Variants in DACT2 observed in about 807,000 individuals in gnomAD.
The protein encoded by DACT2 is dapper homolog 2.
In DACT2, 20 loss-of-function variants were observed where a neutral mutation model predicts 22.2. That is an observed-to-expected ratio of 0.90 (90% confidence interval 0.63 to 1.31). The LOEUF is 1.31. Ranked by LOEUF, DACT2 falls within the 50% of genes most tolerant of loss-of-function variation. The probability of loss-of-function intolerance (pLI) is 0.00; values close to 1 mark genes in which losing one functional copy is unlikely to be tolerated. For missense variants in DACT2, 1,048 were observed against 1,061.4 expected, an observed-to-expected ratio of 0.99 and a Z score of 0.18; for synonymous variants, 463 against 479.8, an observed-to-expected ratio of 0.96 and a Z score of 0.46.
chr6:168,316,187 G>C (rs1251476740), intron 1 of DACT2, among the ~76,000 whole-genome samples: 2 of 152,280 alleles, frequency 1.3e-5, no homozygotes, highest in Non-Finnish European at 2.9e-5. Flanking sequence ...TATTTCTTAA[G>C]CCAAGTTAAT....
chr6:168,319,128 C>T (rs1278934448), intron 1 of DACT2, among the ~76,000 whole-genome samples: 2 of 152,176 alleles, frequency 1.3e-5, no homozygotes, highest in African/African-American at 4.8e-5. Context: ...GGTAGGCGCA[C>T]ATCCACGCAC....
At chr6:168,305,553 A>G (rs1434130740), downstream of DACT2, among the ~76,000 whole-genome samples, 1 of 152,114 alleles carries the variant, frequency 6.6e-6, no homozygotes, top group Non-Finnish European at 1.5e-5. Flanking sequence ...AAAAGCACCA[A>G]TGAGTGAGCA....
intron 1 of DACT2, among the ~76,000 whole-genome samples, chr6:168,314,372 C>G (rs959323156): frequency 4.6e-5 from 7 of 152,158 alleles, no homozygotes; most frequent in Non-Finnish European, 1.0e-4. Context: ...CCAAGCCTCT[C>G]CAGGCAGTGG....
intron 3 of DACT2, among the ~76,000 whole-genome samples, chr6:168,309,517 C>T (rs1779341642): frequency 1.5e-5 from 1 of 68,334 alleles, no homozygotes; most frequent in Admixed American, 2.1e-4. Flanking sequence ...CTGATCCTGC[C>T]CGTTGCGGGA....
rs1779604639 is a variant in DACT2, at chr6:168,319,767, G to A, written c.-134C>T. The A allele has an allele frequency of 8.5e-7, 1 of 1,170,148 alleles. No individual in the cohort carries two copies. Among genetic ancestry groups the A allele is most frequent in the African/African-American group, 1.6e-5 (1 of 61,868 alleles). The allele number at this position is 1,170,148 out of a possible 1,614,324, so 72.5% of individuals were successfully genotyped here. A position where few individuals can be genotyped will look rare whatever the true frequency, so the allele number is the denominator to read the frequency against. ...CCCGGCTCCGCAGGTCGCCAAGGTG[G>A]GCTGGAATCTGTGGCCAGGCGCGGA... On this transcript the variant is annotated 5_prime_UTR_variant, in exon 1 of 4. Transcript: ENST00000366795.
At chr6:168,312,710 T>C in intron 1 of DACT2, among the ~76,000 whole-genome samples, 1 of 152,388 alleles carries the variant, frequency 6.6e-6, no homozygotes, top group Admixed American at 6.5e-5. Context: ...TGGTTGTTTC[T>C]CTTAAGAAAA....
intron 2 of DACT2, 128 bp from the exon 3 acceptor site, chr6:168,310,574 T>C: frequency 7.1e-6 from 9 of 1,272,896 alleles, no homozygotes; most frequent in Non-Finnish European, 8.5e-6. Flanking sequence ...CCGGAGGCTG[T>C]GTGCCATCGT....
Position 168,309,039 on chromosome 6 carries a change from C to G in DACT2, c.718G>C (p.Glu240Gln). The G allele has an allele frequency of 6.5e-7, 1 of 1,544,018 alleles. No homozygotes were observed. The highest frequency in any genetic ancestry group is 8.7e-7 in the Non-Finnish European group (1 of 1,146,334). ...TGLQKASADAELLGLLCQGVD... is the reference protein window; with the variant it reads ...TGLQKASADAQLLGLLCQGVD... ...CCCTGGCAGAGGAGCCCGAGGAGCT[C>G]GGCGTCCGCGCTGGCTTTCTGGAGC... The change falls in exon 4 of 4, where the codon GAG becomes CAG. Residue 240 changes from glutamate to glutamine, a missense_variant. Transcript: ENST00000366795.
In DACT2 at chr6:168,319,377, C is replaced by A; in HGVS notation, c.246+11G>T. On this transcript the variant is annotated intron_variant, in intron 1 of 3. Transcript: ENST00000366795. Reference sequence around the variant, plus strand: ...ACCTCGCAGCCCCGAGTCCCGGCGCCCGGTCCTTACCAGCTGCTCCTGCAG... The same window carrying A: ...ACCTCGCAGCCCCGAGTCCCGGCGCACGGTCCTTACCAGCTGCTCCTGCAG... 1 of 1,198,976 alleles carries A rather than the reference C, an allele frequency of 8.3e-7. No individual in the cohort carries two copies. Among genetic ancestry groups the A allele is most frequent in the South Asian group, 4.2e-5 (1 of 23,628 alleles). 74.3% of individuals were successfully genotyped at this position (1,198,976 alleles called of 1,614,324 possible).
Position 168,308,630 on chromosome 6 carries a change from C to T in DACT2, c.1127G>A (p.Gly376Glu), listed in dbSNP as rs1231164481. ...QRQGGWSTDGGGRLLVFAPGR... is the reference protein window; with the variant it reads ...QRQGGWSTDGEGRLLVFAPGR... ...TGGGGCGAAGACCAGCAGTCGCCCTCCACCGTCTGTACTCCAGCCACCCTG... is the reference window on the plus strand; with the variant it reads ...TGGGGCGAAGACCAGCAGTCGCCCTTCACCGTCTGTACTCCAGCCACCCTG... The change falls in exon 4 of 4, where the codon GGA becomes GAA. Residue 376 changes from glycine to glutamate, a missense_variant. Physicochemically the swap from Gly to Glu is moderately conservative, Grantham distance 98 (BLOSUM62 -2). Transcript: ENST00000366795. 1.3e-6 allele frequency: 2 copies of T among 1,544,308 alleles called. No homozygotes were observed. Among genetic ancestry groups the T allele is most frequent in the African/African-American group, 2.7e-5 (2 of 73,162 alleles).
intron 3 of DACT2, among the ~76,000 whole-genome samples, chr6:168,296,960 CA>C (rs1417717177): frequency 2.0e-5 from 3 of 151,976 alleles, no homozygotes; most frequent in African/African-American, 7.3e-5. Context: ...TCAATGAAAA[CA>C]ATGAGAAAAT....
rs188523063 is a variant in DACT2, at chr6:168,315,652, C to T, written c.246+3736G>A. Among the ~76,000 whole-genome samples the T allele has an allele frequency of 3.2e-3, 481 of 152,336 alleles. 3 individuals carry two copies. Among genetic ancestry groups the T allele is most frequent in the African/African-American group, 0.011 (451 of 41,580 alleles). ...GTAATTAAAACGCTGCAGCACATTG[C>T]GACAAGCCTTGAAGTGATGAGTGCT... On this transcript the variant is annotated intron_variant, in intron 1 of 3. Coordinates refer to ENST00000366795, the MANE Select transcript of DACT2 (RefSeq NM_214462.5).
At chr6:168,306,069 C>T (rs931009557), downstream of DACT2, among the ~76,000 whole-genome samples, 7 of 152,182 alleles carry the variant, frequency 4.6e-5, no homozygotes, top group Admixed American at 3.3e-4. Context: ...TTGTTCCAGA[C>T]GTGAAGTTCC....
chr6:168,301,480 C>T (rs1442930033), intron 3 of DACT2, among the ~76,000 whole-genome samples: 4 of 152,228 alleles, frequency 2.6e-5, no homozygotes, highest in African/African-American at 9.6e-5. Context: ...CAGGGAGCCA[C>T]ATTGCCATCT....
chr6:168,311,225 C>T lies in DACT2; in HGVS notation c.306G>A (p.Gln102=). 1 of 1,551,036 alleles carries T rather than the reference C, an allele frequency of 6.4e-7. No individual in the cohort carries two copies. The highest frequency in any genetic ancestry group is 8.7e-7 in the Non-Finnish European group (1 of 1,146,376). ...CCACATCCAGCTGCAGCTTGCTAAT[C>T]TGCAGGTCCAGCTGGTCCAGGTGGG... ...LKTHLDQLDL[Q]ISKLQLDVGT... Residue 102 remains glutamine, a synonymous_variant, in exon 2 of 4, where the codon CAG becomes CAA. Transcript: ENST00000366795.
chr6:168,307,265 G>T lies in DACT2; in HGVS notation c.*167C>A. ...AGTCTTTGCTGGGGCGGGGACTCACGGCCATACTCCACAGGGCAGAACCCA... is the reference window on the plus strand; with the variant it reads ...AGTCTTTGCTGGGGCGGGGACTCACTGCCATACTCCACAGGGCAGAACCCA... On this transcript the variant is annotated 3_prime_UTR_variant, in exon 4 of 4. Coordinates refer to ENST00000366795, the MANE Select transcript of DACT2 (RefSeq NM_214462.5). The surrounding 1 kb of genome is among the most constrained non-coding windows in gnomAD (Gnocchi z 5.3). The T allele has an allele frequency of 7.1e-7, 1 of 1,403,862 alleles. No homozygotes were observed. Among genetic ancestry groups the T allele is most frequent in the South Asian group, 1.6e-5 (1 of 61,406 alleles). 87.0% of individuals were successfully genotyped at this position (1,403,862 alleles called of 1,614,324 possible).
chr6:168,295,846 G>T (rs1399995006), intron 3 of DACT2, among the ~76,000 whole-genome samples: 1 of 152,230 alleles, frequency 6.6e-6, no homozygotes, highest in Non-Finnish European at 1.5e-5. Context: ...CTGCAGAGTT[G>T]ACTTATTTGT....
intron 3 of DACT2, among the ~76,000 whole-genome samples, chr6:168,309,481 C>CGTTTGCGTA (rs1779340768): frequency 1.7e-5 from 1 of 58,276 alleles, no homozygotes; most frequent in African/African-American, 6.9e-5. Context: ...CTATTTGCGC[C>CGTTTGCGTA]TGCAGCGCGG....
Position 168,310,318 on chromosome 6 carries a change from T to G in DACT2, c.508A>C (p.Ser170Arg). 1 of 1,551,584 alleles carries G rather than the reference T, an allele frequency of 6.4e-7. No individual in the cohort carries two copies. The highest frequency in any genetic ancestry group is 1.2e-5 in the South Asian group (1 of 84,054). Residue 170 changes from serine to arginine, a missense_variant, in exon 3 of 4, where the codon AGC becomes CGC. Transcript: ENST00000366795. ...PVAQAHKARPSMGDWRPRSVD... is the reference protein window; with the variant it reads ...PVAQAHKARPRMGDWRPRSVD... ...GACCGGGGCCTCCAGTCCCCCATGC[T>G]GGGCCTGGCCTTGTGGGCCTGGGCC... is the stretch of plus-strand genomic sequence containing the variant.
Sources: allele counts gnomAD v4.1 joint callset (sites outside exome capture counted in the v4.1 genomes callset), GRCh38; gene constraint gnomAD v4.1.1; non-coding constraint Gnocchi (gnomAD v3.1); transcripts MANE v1.5; gene names NCBI Gene and HGNC (gene_info 2026-07-23, HGNC 2026-07-21).